Variants in PARD3 observed in about 807,000 individuals in gnomAD.
The protein encoded by PARD3 is partitioning defective 3 homolog.
A neutral mutation model predicts 155.4 loss-of-function variants in PARD3; 75 were observed. The ratio of observed to expected loss-of-function variants is 0.48; its 90% CI spans 0.40 to 0.58. The LOEUF (loss-of-function observed/expected upper bound fraction) is 0.58. Among genes scored for constraint, PARD3 ranks in the 20% least tolerant of loss-of-function variants. PARD3 has a pLI of 0.00. For synonymous variants in PARD3, 576 were observed against 610.5 expected (o/e 0.94, Z 0.83); for missense variants, 1,642 against 1,721.7 (o/e 0.95, Z 0.82).
chr10:34,651,627 T>G (rs1352584790), intron 2 of PARD3, among the ~76,000 whole-genome samples: 1 of 152,172 alleles, frequency 6.6e-6, no homozygotes, highest in African/African-American at 2.4e-5. Flanking sequence ...GGCCAGGCCA[T>G]GCTGGTTGTT....
At chr10:34,700,852 GT>G (rs2094261388) in intron 1 of PARD3, among the ~76,000 whole-genome samples, 2 of 152,048 alleles carry the variant, frequency 1.3e-5, no homozygotes, top group Non-Finnish European at 2.9e-5. Flanking sequence ...TGCGCCTGTA[GT>G]CCCAGCTCCT....
intron 23 of PARD3, among the ~76,000 whole-genome samples, chr10:34,122,549 A>C (rs1947064029): frequency 6.6e-6 from 1 of 152,234 alleles, no homozygotes; most frequent in Non-Finnish European, 1.5e-5. Flanking sequence ...CACCAGGAAG[A>C]AACATAAACA....
chr10:34,176,679 G>A (rs541655820), intron 22 of PARD3, among the ~76,000 whole-genome samples: 1 of 152,206 alleles, frequency 6.6e-6, no homozygotes, highest in Admixed American at 6.5e-5. Flanking sequence ...CTGGACTTCT[G>A]GGTTAAGAGA....
At chr10:34,163,328 C>T (rs1398451644) in intron 22 of PARD3, among the ~76,000 whole-genome samples, 1 of 152,060 alleles carries the variant, frequency 6.6e-6, no homozygotes, top group Non-Finnish European at 1.5e-5. Context: ...GCTGGAGGAA[C>T]CAGATAAGGC....
chr10:34,122,463 C>G (rs147524194), intron 23 of PARD3, among the ~76,000 whole-genome samples: 1 of 152,144 alleles, frequency 6.6e-6, no homozygotes, highest in African/African-American at 2.4e-5. Flanking sequence ...ACATTATCAG[C>G]ATATGGGGTC....
At chr10:34,314,380 C>T (rs1452980152) in intron 20 of PARD3, among the ~76,000 whole-genome samples, 1 of 152,146 alleles carries the variant, frequency 6.6e-6, no homozygotes, top group East Asian at 1.9e-4. Context: ...CAAGAGCCAA[C>T]ATTCAATAAC....
chr10:34,322,420 T>C (rs374158148), intron 19 of PARD3, among the ~76,000 whole-genome samples: 2 of 152,294 alleles, frequency 1.3e-5, no homozygotes, highest in Non-Finnish European at 2.9e-5. Flanking sequence ...TCCTTATTGT[T>C]TGAGTTGGTC....
intron 2 of PARD3, chr10:34,676,064 G>A (rs1367768169): frequency 6.5e-6 from 1 of 152,700 alleles, no homozygotes; most frequent in Non-Finnish European, 1.5e-5. Context: ...CAGGTAACGA[G>A]TGATGCCCCA....
chr10:34,244,746 T>C (rs1449205478), intron 22 of PARD3, among the ~76,000 whole-genome samples: 1 of 152,236 alleles, frequency 6.6e-6, no homozygotes, highest in African/African-American at 2.4e-5. Flanking sequence ...TCTTCTTAAA[T>C]AAATGAATCG....
intron 1 of PARD3, among the ~76,000 whole-genome samples, chr10:34,738,517 CTACCTCATTAAAA>C (rs1471113188): frequency 2.6e-5 from 4 of 151,804 alleles, no homozygotes; most frequent in African/African-American, 9.7e-5. Flanking sequence ...CAGCACATCA[CTACCTCATTAAAA>C]TACCTCATTA....
Position 34,674,623 on chromosome 10 carries a change from A to G in PARD3, c.222+21695T>C, listed in dbSNP as rs1037138608. Among the ~76,000 whole-genome samples, 13 of 151,404 alleles carry G rather than the reference A, an allele frequency of 8.6e-5. No homozygotes were observed. The South Asian group carries it at 2.7e-3, about 32-fold the overall frequency. On this transcript the variant is annotated intron_variant, in intron 2 of 24. Coordinates refer to ENST00000374788, the MANE Select transcript of PARD3 (RefSeq NM_001184785.2). ...TGCCTCAGGCTCCCAAGTAGCTGGG[A>G]TTACAGACGCCTGCCACCATGCCCA... is the stretch of plus-strand genomic sequence containing the variant.
chr10:34,549,733 G>A (rs2084383908), intron 2 of PARD3, among the ~76,000 whole-genome samples: 1 of 152,018 alleles, frequency 6.6e-6, no homozygotes, highest in South Asian at 2.1e-4. Context: ...TCCTCAAACA[G>A]GAATAAATTT....
intron 1 of PARD3, among the ~76,000 whole-genome samples, chr10:34,813,212 T>C (rs1403179636): frequency 6.6e-6 from 1 of 152,190 alleles, no homozygotes; most frequent in African/African-American, 2.4e-5. Flanking sequence ...GGTAAAACAA[T>C]TTTAATCACA....
chr10:34,324,542 A>G (rs573103111), intron 19 of PARD3, among the ~76,000 whole-genome samples: 3 of 152,196 alleles, frequency 2.0e-5, no homozygotes, highest in Non-Finnish European at 2.9e-5. Context: ...TGAGAGTCAG[A>G]AGGTGACTGC....
chr10:34,748,099 G>A (rs1835530737), intron 1 of PARD3, among the ~76,000 whole-genome samples: 1 of 152,222 alleles, frequency 6.6e-6, no homozygotes. Context: ...GGGAGGAGGT[G>A]TCTAGGTCAG....
At chr10:34,317,668 A>ACC (rs1164502505) in intron 19 of PARD3, among the ~76,000 whole-genome samples, 19 of 152,168 alleles carry the variant, frequency 1.2e-4, no homozygotes, top group African/African-American at 4.1e-4. Context: ...TACAGCGCAG[A>ACC]CCTCTAAGGG....
At chr10:34,287,247 A>G (rs994453434) in intron 20 of PARD3, among the ~76,000 whole-genome samples, 1 of 152,188 alleles carries the variant, frequency 6.6e-6, no homozygotes, top group Non-Finnish European at 1.5e-5. Context: ...TCAAATTTTA[A>G]TACATCATTT....
chr10:34,192,986 C>T (rs1200469087), intron 22 of PARD3, among the ~76,000 whole-genome samples: 2 of 152,162 alleles, frequency 1.3e-5, no homozygotes, highest in Admixed American at 6.5e-5. Flanking sequence ...TAAAGTTTAA[C>T]TGAACCAGGG....
At chr10:34,318,337 T>C (rs1343868495) in intron 19 of PARD3, among the ~76,000 whole-genome samples, 1 of 152,190 alleles carries the variant, frequency 6.6e-6, no homozygotes, top group East Asian at 1.9e-4. Flanking sequence ...CAATGAGAAT[T>C]ATAGGGGGCC....
Sources: allele counts gnomAD v4.1 joint callset (sites outside exome capture counted in the v4.1 genomes callset), GRCh38; gene constraint gnomAD v4.1.1; transcripts MANE v1.5; gene names NCBI Gene and HGNC (gene_info 2026-07-23, HGNC 2026-07-21).